CDH12: variants seen among roughly 807,000 people sequenced by gnomAD.
The protein encoded by CDH12 is cadherin-12.
Under a neutral mutation model 74.1 loss-of-function variants are expected in CDH12, and 41 were observed. That is an observed-to-expected ratio of 0.55 (90% CI 0.43 to 0.72). The LOEUF is 0.72. CDH12 is among the 30% of genes least tolerant of loss of function. The probability of loss-of-function intolerance (pLI) is 0.00; values close to 1 mark genes in which losing one functional copy is unlikely to be tolerated. For synonymous variants in CDH12, 399 were observed against 355.0 expected (o/e 1.12, Z -1.39); for missense variants, 945 against 977.2 (o/e 0.97, Z 0.44).
chr5:21,859,117 C>T (rs542600952), intron 6 of CDH12, among the ~76,000 whole-genome samples: 1 of 152,078 alleles, frequency 6.6e-6, no homozygotes, highest in Admixed American at 6.6e-5. Flanking sequence ...CTTCGAGCAA[C>T]ATCTCCCTAG....
chr5:22,331,422 C>T (rs951834374), intron 3 of CDH12, among the ~76,000 whole-genome samples: 3 of 152,168 alleles, frequency 2.0e-5, no homozygotes, highest in Admixed American at 2.0e-4. Context: ...ATTAGAGTCT[C>T]TGCCTGGTAA....
chr5:22,553,838 C>A (rs1165050054), intron 1 of CDH12, among the ~76,000 whole-genome samples: 1 of 152,078 alleles, frequency 6.6e-6, no homozygotes, highest in African/African-American at 2.4e-5. Flanking sequence ...GCATTAGATT[C>A]TCATAAGGAG....
chr5:22,830,454 G>C (rs1232536540), intron 1 of CDH12, among the ~76,000 whole-genome samples: 1 of 151,726 alleles, frequency 6.6e-6, no homozygotes, highest in Non-Finnish European at 1.5e-5. Context: ...GAGTTATCTG[G>C]ATATTTTTTA....
intron 1 of CDH12, among the ~76,000 whole-genome samples, chr5:22,726,124 T>G (rs1744151354): frequency 6.6e-6 from 1 of 151,716 alleles, no homozygotes; most frequent in South Asian, 2.1e-4. Context: ...AAATGTACAA[T>G]GACACATATT....
intron 4 of CDH12, among the ~76,000 whole-genome samples, chr5:22,209,680 A>T (rs1314247939): frequency 6.6e-6 from 1 of 150,988 alleles, no homozygotes. Context: ...TCTTTCAGAA[A>T]CTAAAAGAAC....
At chr5:22,677,142 T>A (rs1741237244) in intron 1 of CDH12, among the ~76,000 whole-genome samples, 1 of 152,076 alleles carries the variant, frequency 6.6e-6, no homozygotes, top group African/African-American at 2.4e-5. Context: ...TATATATTGA[T>A]TTGTGCATTG....
chr5:22,559,090 T>C lies in CDH12; in HGVS notation c.-522-53726A>G, dbSNP rs544184752. 1.7e-3 allele frequency among the ~76,000 whole-genome samples: 255 copies of C among 152,166 alleles called. 2 individuals carry two copies. The highest frequency in any genetic ancestry group is 5.9e-3 in the African/African-American group (245 of 41,550). On this transcript the variant is annotated intron_variant, in intron 1 of 14. Coordinates refer to ENST00000382254, the MANE Select transcript of CDH12 (RefSeq NM_004061.5). ...CCCACTAAAGTCCTGAAGTCCTGGATGCTAGAAAACTAGTTGTAGATTTGT... is the reference window on the plus strand; with the variant it reads ...CCCACTAAAGTCCTGAAGTCCTGGACGCTAGAAAACTAGTTGTAGATTTGT...
intron 1 of CDH12, among the ~76,000 whole-genome samples, chr5:22,681,652 C>T (rs935737131): frequency 3.9e-5 from 6 of 151,996 alleles, no homozygotes; most frequent in African/African-American, 9.7e-5. Context: ...TCTGAACATT[C>T]GTCCCTTCCA....
At chr5:21,893,395 A>T (rs1315459918) in intron 6 of CDH12, among the ~76,000 whole-genome samples, 3 of 152,186 alleles carry the variant, frequency 2.0e-5, no homozygotes, top group African/African-American at 7.2e-5. Context: ...ATGAGTTCAG[A>T]AATTGGCCCA....
At position 22,358,313 on chromosome 5, in the gene CDH12, G is replaced by T. The variant is rs1398941411; in HGVS notation, c.-333+46944C>A. ...AATCCCAGATATTCAGGAGGTTGAGGCAGGAGAATAACTTGAACCCGGAGG... is the reference window on the plus strand; with the variant it reads ...AATCCCAGATATTCAGGAGGTTGAGTCAGGAGAATAACTTGAACCCGGAGG... On this transcript the variant is annotated intron_variant, in intron 3 of 14. Coordinates refer to ENST00000382254, the MANE Select transcript of CDH12 (RefSeq NM_004061.5). Among the ~76,000 whole-genome samples the T allele has an allele frequency of 9.8e-5, 9 of 91,846 alleles. No homozygotes were observed. The East Asian group carries it at 2.6e-3, about 27-fold the overall frequency. The allele number at this position is 91,846 out of a possible 152,430, so 60.3% of individuals were successfully genotyped here.
chr5:22,703,421 C>A (rs529693016), intron 1 of CDH12, among the ~76,000 whole-genome samples: 1 of 152,196 alleles, frequency 6.6e-6, no homozygotes, highest in African/African-American at 2.4e-5. Context: ...CCCATGATAA[C>A]TTTTTTAAGT....
chr5:21,971,859 C>T (rs1405403962), intron 6 of CDH12, among the ~76,000 whole-genome samples: 7 of 152,124 alleles, frequency 4.6e-5, no homozygotes, highest in African/African-American at 1.7e-4. Context: ...CTAAATATTA[C>T]TTCCCTGGAA....
At chr5:22,007,323 T>G (rs1031953239) in intron 5 of CDH12, among the ~76,000 whole-genome samples, 15 of 152,304 alleles carry the variant, frequency 9.8e-5, no homozygotes, top group African/African-American at 3.4e-4. Context: ...GAGAGTAGAT[T>G]TCAAGTGTTC....
intron 10 of CDH12, among the ~76,000 whole-genome samples, chr5:21,796,715 C>T (rs1247921071): frequency 1.3e-5 from 2 of 152,056 alleles, no homozygotes; most frequent in South Asian, 2.1e-4. Context: ...GACTTTTATA[C>T]GTTTGGAACA....
chr5:22,074,501 G>A (rs540068129), intron 5 of CDH12, among the ~76,000 whole-genome samples: 1 of 152,226 alleles, frequency 6.6e-6, no homozygotes, highest in African/African-American at 2.4e-5. Flanking sequence ...CACAGCAAAA[G>A]AAATTACCAT....
chr5:22,781,072 A>T (rs1747363080), intron 1 of CDH12, among the ~76,000 whole-genome samples: 1 of 152,172 alleles, frequency 6.6e-6, no homozygotes. Context: ...CATGATCAGG[A>T]TAAGTCAGCT....
chr5:21,968,534 G>T (rs1213264509), intron 6 of CDH12, among the ~76,000 whole-genome samples: 1 of 152,200 alleles, frequency 6.6e-6, no homozygotes, highest in Non-Finnish European at 1.5e-5. Context: ...GGTCAGAGAT[G>T]AGAGGCATGA....
At chr5:22,283,267 C>CACACAT in intron 3 of CDH12, among the ~76,000 whole-genome samples, 1 of 142,880 alleles carries the variant, frequency 7.0e-6, no homozygotes, top group Admixed American at 6.9e-5. Flanking sequence ...CACACACACA[C>CACACAT]ACACACACAT....
chr5:22,185,944 G>A (rs1749916351), intron 4 of CDH12, among the ~76,000 whole-genome samples: 1 of 152,168 alleles, frequency 6.6e-6, no homozygotes. Flanking sequence ...TAACCAGTAG[G>A]AGAACCTGGT....
Sources: gnomAD v4.1 joint callset for allele counts (sites outside exome capture counted in the v4.1 genomes callset) on GRCh38, gnomAD v4.1.1 for gene constraint, MANE v1.5 for transcripts, NCBI Gene and HGNC (gene_info 2026-07-23, HGNC 2026-07-21) for gene names.